Variants in PALS1 observed in about 807,000 individuals in gnomAD.
PALS1 encodes protein PALS1.
PALS1 carries 31 observed loss-of-function variants against 78.9 expected under a neutral mutation model. That is an observed-to-expected ratio of 0.39 (90% CI 0.30 to 0.53). PALS1 has a LOEUF of 0.53. PALS1 is among the 20% of genes least tolerant of loss of function. The pLI is 0.67. For synonymous variants in PALS1, 276 were observed against 270.9 expected (o/e 1.02, Z -0.18); for missense variants, 704 against 826.5 (o/e 0.85, Z 1.82).
At chr14:67,317,233 C>T (rs543529759) in intron 10 of PALS1, among the ~76,000 whole-genome samples, 175 bp from the exon 11 acceptor site, 238 of 152,106 alleles carry the variant, frequency 1.6e-3, no homozygotes, top group African/African-American at 5.5e-3. Flanking sequence ...GAGACTGAGG[C>T]GGGAGGATCA....
intron 1 of PALS1, among the ~76,000 whole-genome samples, chr14:67,266,736 C>T (rs971746493): frequency 2.0e-5 from 3 of 152,154 alleles, no homozygotes; most frequent in Non-Finnish European, 4.4e-5. Context: ...AGAAGTTACA[C>T]AGTTATCAAG....
At chr14:67,308,234 T>TTA (rs1555338648) in intron 8 of PALS1, among the ~76,000 whole-genome samples, 1 of 138,898 alleles carries the variant, frequency 7.2e-6, no homozygotes, top group East Asian at 2.0e-4. Context: ...CTTAACAGTT[T>TTA]AAAAAAAAAA....
rs530863294 is a variant in PALS1, at chr14:67,284,429, T to TA, written c.367+4907dup. On this transcript the variant is annotated intron_variant, in intron 3 of 14. Transcript: ENST00000261681. ...CTTGGGCAACATAGACCCTATCTCT[T>TA]AAAAAAAAAAAAAAACAGCTGGGCA... 4.4e-3 allele frequency among the ~76,000 whole-genome samples: 412 copies of TA among 92,632 alleles called. 20 individuals are homozygous for TA. The highest frequency in any genetic ancestry group is 0.021 in the South Asian group (63 of 2,996). 60.8% of individuals were successfully genotyped at this position (92,632 alleles called of 152,430 possible). A position where few individuals can be genotyped will look rare whatever the true frequency, so the allele number is the denominator to read the frequency against.
intron 1 of PALS1, among the ~76,000 whole-genome samples, chr14:67,242,476 T>C (rs1395743840): frequency 2.0e-5 from 3 of 152,264 alleles, no homozygotes; most frequent in Non-Finnish European, 4.4e-5. Context: ...GTTTTAATGA[T>C]AGTTTACTAA....
At chr14:67,248,355 T>TA (rs918290115) in intron 1 of PALS1, among the ~76,000 whole-genome samples, 53 of 147,160 alleles carry the variant, frequency 3.6e-4, no homozygotes, top group East Asian at 3.6e-3. Context: ...TCTCTTTTCT[T>TA]AAAAAAAAAA....
chr14:67,303,157 A>AT (rs1432640885), intron 7 of PALS1, among the ~76,000 whole-genome samples: 2 of 152,238 alleles, frequency 1.3e-5, no homozygotes, highest in African/African-American at 4.8e-5. Context: ...CATTTCCATC[A>AT]TTGGAGAAAG....
chr14:67,274,237 A>C (rs2140624092), intron 2 of PALS1, among the ~76,000 whole-genome samples: 1 of 152,238 alleles, frequency 6.6e-6, no homozygotes, highest in East Asian at 1.9e-4. Flanking sequence ...GTTTTCTTCT[A>C]GGGTTTTTCT....
chr14:67,280,879 C>T (rs1273523315), intron 3 of PALS1, among the ~76,000 whole-genome samples: 1 of 131,904 alleles, frequency 7.6e-6, no homozygotes, highest in African/African-American at 2.9e-5. Flanking sequence ...CTCCCTCCCT[C>T]CCTTTTCTTT....
In PALS1 at chr14:67,321,233, A is replaced by G. The variant is rs552581214; in HGVS notation, c.1714A>G (p.Ile572Val). The change falls in exon 13 of 15, where the codon ATA becomes GTA. Residue 572 changes from isoleucine to valine, a missense_variant. Physicochemically the swap from Ile to Val is conservative, Grantham distance 29 (BLOSUM62 3). Coordinates refer to ENST00000261681, the MANE Select transcript of PALS1 (RefSeq NM_022474.4). ...SVRQVINSGK[I>V]CLLSLRTQSL... ...ACGGCAAGTGATCAACTCTGGCAAA[A>G]TATGTCTTTTAAGTCTTCGTACACA... is the stretch of plus-strand genomic sequence containing the variant. 1.2e-6 allele frequency: 2 copies of G among 1,614,192 alleles called. No homozygotes were observed. The highest frequency in any genetic ancestry group is 3.3e-5 in the Admixed American group (2 of 60,020).
chr14:67,327,495 A>AT (rs931194970), intron 14 of PALS1, among the ~76,000 whole-genome samples: 1 of 146,382 alleles, frequency 6.8e-6, no homozygotes, highest in South Asian at 2.1e-4. Flanking sequence ...TTATTTTTTT[A>AT]TTTTTTTATT....
chr14:67,306,780 G>A (rs752818780), intron 8 of PALS1, among the ~76,000 whole-genome samples: 5 of 152,178 alleles, frequency 3.3e-5, no homozygotes, highest in Non-Finnish European at 5.9e-5. Context: ...CATTGAGGCT[G>A]TCCAGAAAGG....
intron 3 of PALS1, among the ~76,000 whole-genome samples, chr14:67,290,522 C>T (rs2084755913): frequency 6.6e-6 from 1 of 152,150 alleles, no homozygotes; most frequent in Admixed American, 6.5e-5. Context: ...GGGACTAAGG[C>T]ACATGCCACA....
chr14:67,297,220 G>A (rs1455632083), intron 4 of PALS1, among the ~76,000 whole-genome samples: 1 of 152,174 alleles, frequency 6.6e-6, no homozygotes, highest in Non-Finnish European at 1.5e-5. Context: ...CCCACCATTA[G>A]TATTCAACAT....
intron 2 of PALS1, chr14:67,269,999 A>G (rs2084385027): frequency 6.6e-6 from 1 of 152,184 alleles, no homozygotes. Context: ...TGTAGACTGA[A>G]CATGTTTATG....
Position 67,333,130 on chromosome 14 carries a change from G to T in PALS1, c.*174G>T. The T allele has an allele frequency of 3.6e-6, 2 of 550,086 alleles. No homozygotes were observed. The highest frequency in any genetic ancestry group is 6.3e-6 in the Non-Finnish European group (2 of 317,324). 34.1% of individuals were successfully genotyped at this position (550,086 alleles called of 1,614,324 possible). A position where few individuals can be genotyped will look rare whatever the true frequency, so the allele number is the denominator to read the frequency against. On this transcript the variant is annotated 3_prime_UTR_variant, in exon 15 of 15. Coordinates refer to ENST00000261681, the MANE Select transcript of PALS1 (RefSeq NM_022474.4). Reference sequence around the variant, plus strand: ...ACGACAGTTCCCTTAGGCAGTTTGTGCATGGCATCCTTTATTCTCTATACA... The same window carrying T: ...ACGACAGTTCCCTTAGGCAGTTTGTTCATGGCATCCTTTATTCTCTATACA...
chr14:67,299,050 A>G (rs1288847079), intron 4 of PALS1, among the ~76,000 whole-genome samples: 1 of 152,160 alleles, frequency 6.6e-6, no homozygotes, highest in Non-Finnish European at 1.5e-5. Flanking sequence ...ATATCCCACA[A>G]TTTGACCACT....
chr14:67,317,358 G>C, intron 10 of PALS1, 50 bp from the exon 11 acceptor site: 3 of 1,455,030 alleles, frequency 2.1e-6, no homozygotes, highest in Non-Finnish European at 2.8e-6. Flanking sequence ...GAGTTATGTG[G>C]TTTTGTTCAC....
Position 67,268,922 on chromosome 14 carries a change from G to C in PALS1, c.-236-779G>C, listed in dbSNP as rs570503450. 1.1e-3 allele frequency among the ~76,000 whole-genome samples: 169 copies of C among 152,148 alleles called. 1 individual carries two copies. The highest frequency in any genetic ancestry group is 1.3e-3 in the Non-Finnish European group (90 of 68,026). ...CCCCTCTGACACATCCCTTTCAAGT[G>C]TGCAAATTCAGTGGATTTTAGTATA... On this transcript the variant is annotated intron_variant, in intron 1 of 14. Coordinates refer to ENST00000261681, the MANE Select transcript of PALS1 (RefSeq NM_022474.4).
At position 67,241,531 on chromosome 14, in the gene PALS1, G is replaced by C. The variant is rs1195544603; in HGVS notation, c.-239G>C. ...GGAGGCTCCGCGGAGCCGAGGCGTGGAGGTAAGAGGCGGATCGGCGGCGGC... is the reference window on the plus strand; with the variant it reads ...GGAGGCTCCGCGGAGCCGAGGCGTGCAGGTAAGAGGCGGATCGGCGGCGGC... On this transcript the variant is annotated splice_region_variant and 5_prime_UTR_variant, in exon 1 of 15. Transcript: ENST00000261681. 2 of 152,928 alleles carry C rather than the reference G, an allele frequency of 1.3e-5. No homozygotes were observed. The highest frequency in any genetic ancestry group is 1.3e-4 in the Admixed American group (2 of 15,284). 9.5% of individuals were successfully genotyped at this position (152,928 alleles called of 1,614,324 possible).
Sources: allele counts gnomAD v4.1 joint callset (sites outside exome capture counted in the v4.1 genomes callset), GRCh38; gene constraint gnomAD v4.1.1; transcripts MANE v1.5; gene names NCBI Gene and HGNC (gene_info 2026-07-23, HGNC 2026-07-21).